Variants in TMEM178B observed in about 807,000 individuals in gnomAD.
TMEM178B encodes the protein transmembrane protein 178B.
TMEM178B carries 5 observed loss-of-function variants against 31.0 expected under a neutral mutation model. The ratio of observed to expected loss-of-function variants is 0.16; its 90% CI spans 0.08 to 0.34. TMEM178B has a LOEUF of 0.34. Among genes scored for constraint, TMEM178B ranks in the 10% least tolerant of loss-of-function variants. The pLI is 1.00. For synonymous variants in TMEM178B, 164 were observed against 164.0 expected (o/e 1.00, Z 0.00); for missense variants, 275 against 400.3 (o/e 0.69, Z 2.67).
intron 2 of TMEM178B, among the ~76,000 whole-genome samples, chr7:141,312,141 A>T (rs1798921615): frequency 6.6e-6 from 1 of 152,196 alleles, no homozygotes. Context: ...TCCACTCCTT[A>T]ATTTGAATCT....
intron 2 of TMEM178B, among the ~76,000 whole-genome samples, chr7:141,271,281 A>G (rs774032765): frequency 3.9e-5 from 6 of 152,174 alleles, no homozygotes; most frequent in South Asian, 2.1e-4. Context: ...ACTCTCAGTC[A>G]TCTCTGCCTT....
intron 2 of TMEM178B, among the ~76,000 whole-genome samples, chr7:141,356,537 A>G (rs1176370033): frequency 1.4e-5 from 2 of 147,134 alleles, no homozygotes; most frequent in African/African-American, 2.5e-5. Context: ...AAATCTGTTC[A>G]TGTCTTTTGC....
intron 1 of TMEM178B, among the ~76,000 whole-genome samples, chr7:141,088,544 C>T (rs1294189899): frequency 6.6e-6 from 1 of 152,196 alleles, no homozygotes; most frequent in African/African-American, 2.4e-5. Context: ...CTTTTATGCT[C>T]ATGACTAGTT....
At chr7:141,337,888 A>T (rs1439045431) in intron 2 of TMEM178B, among the ~76,000 whole-genome samples, 1 of 151,992 alleles carries the variant, frequency 6.6e-6, no homozygotes, top group Non-Finnish European at 1.5e-5. Context: ...CCCAAGCTGG[A>T]GTGCAGTGAC....
chr7:141,206,861 A>G (rs1420048926), intron 1 of TMEM178B, among the ~76,000 whole-genome samples: 3 of 152,226 alleles, frequency 2.0e-5, no homozygotes, highest in Non-Finnish European at 4.4e-5. Context: ...TATTAACTAT[A>G]GGCATAAGGT....
rs747715237 is a variant in TMEM178B, at chr7:141,159,568, A to G, written c.383-53023A>G. On this transcript the variant is annotated intron_variant, in intron 1 of 3. Transcript: ENST00000565468. Reference sequence around the variant, plus strand: ...CAACCCACGTGTTCACCGACAGACAAATGGATAAACAAAATGTGGCATATT... The same window carrying G: ...CAACCCACGTGTTCACCGACAGACAGATGGATAAACAAAATGTGGCATATT... 5.2e-4 allele frequency among the ~76,000 whole-genome samples: 79 copies of G among 152,214 alleles called. 1 individual carries two copies. The highest frequency in any genetic ancestry group is 4.9e-3 in the Admixed American group (75 of 15,280).
chr7:141,377,166 T>TTTAC (rs1800230522), intron 2 of TMEM178B, among the ~76,000 whole-genome samples: 1 of 139,170 alleles, frequency 7.2e-6, no homozygotes, highest in Non-Finnish European at 1.5e-5. Context: ...TCTGTATTTA[T>TTTAC]TTATTTATTT....
chr7:141,262,731 T>C (rs1165919478), intron 2 of TMEM178B, among the ~76,000 whole-genome samples: 2 of 152,076 alleles, frequency 1.3e-5, no homozygotes, highest in African/African-American at 4.8e-5. Flanking sequence ...CAATGCAATT[T>C]AAAGGAAAGC....
intron 2 of TMEM178B, among the ~76,000 whole-genome samples, chr7:141,309,008 A>G (rs910188332): frequency 6.6e-6 from 1 of 152,220 alleles, no homozygotes; most frequent in Non-Finnish European, 1.5e-5. Context: ...TTTAGAGGAA[A>G]GGAGCCCAGA....
chr7:141,419,064 T>A (rs1311416883), intron 2 of TMEM178B, among the ~76,000 whole-genome samples: 1 of 152,132 alleles, frequency 6.6e-6, no homozygotes. Flanking sequence ...TGAGCCACCA[T>A]GCCCAACTAA....
intron 2 of TMEM178B, among the ~76,000 whole-genome samples, chr7:141,355,501 T>A (rs1799803775): frequency 6.6e-6 from 1 of 152,164 alleles, no homozygotes. Context: ...ATGCCAATTC[T>A]TCAGTGAGGT....
chr7:141,159,655 G>A (rs142445027), intron 1 of TMEM178B, among the ~76,000 whole-genome samples: 30 of 152,226 alleles, frequency 2.0e-4, no homozygotes, highest in African/African-American at 2.6e-4. Context: ...GCTACAACAC[G>A]GATGAACCTG....
At chr7:141,195,807 G>A (rs1484170516) in intron 1 of TMEM178B, among the ~76,000 whole-genome samples, 1 of 152,198 alleles carries the variant, frequency 6.6e-6, no homozygotes, top group Non-Finnish European at 1.5e-5. Flanking sequence ...GGCTGGGGAG[G>A]CCTCAGAATC....
intron 1 of TMEM178B, among the ~76,000 whole-genome samples, chr7:141,089,958 T>C (rs972560243): frequency 2.0e-5 from 3 of 151,984 alleles, no homozygotes; most frequent in Non-Finnish European, 4.4e-5. Flanking sequence ...TGTATACATA[T>C]GTAACATACC....
intron 2 of TMEM178B, among the ~76,000 whole-genome samples, chr7:141,278,481 G>C (rs1798302662): frequency 6.6e-6 from 1 of 152,202 alleles, no homozygotes; most frequent in East Asian, 1.9e-4. Flanking sequence ...TACTTGGGAG[G>C]CTGAGGCAGG....
At chr7:141,169,172 T>A (rs1175156483) in intron 1 of TMEM178B, among the ~76,000 whole-genome samples, 1 of 152,208 alleles carries the variant, frequency 6.6e-6, no homozygotes, top group Non-Finnish European at 1.5e-5. Context: ...CCATTAGTTA[T>A]TTTTCCTGAT....
chr7:141,144,283 CT>C (rs2129179616), intron 1 of TMEM178B, among the ~76,000 whole-genome samples: 2 of 152,254 alleles, frequency 1.3e-5, no homozygotes, highest in South Asian at 4.1e-4. Context: ...GAAAAGGTAT[CT>C]GTGAATTCTA....
chr7:141,277,756 G>A (rs905712014), intron 2 of TMEM178B, among the ~76,000 whole-genome samples: 1 of 152,140 alleles, frequency 6.6e-6, no homozygotes, highest in African/African-American at 2.4e-5. Context: ...GTCTTCAGGT[G>A]CTTGCCCCTG....
At chr7:141,243,125 C>T (rs953702268) in intron 2 of TMEM178B, among the ~76,000 whole-genome samples, 33 of 151,986 alleles carry the variant, frequency 2.2e-4, no homozygotes, top group Admixed American at 1.8e-3. Flanking sequence ...TTAAACAAAC[C>T]CCAAACAACC....
Sources: allele counts gnomAD v4.1 joint callset (sites outside exome capture counted in the v4.1 genomes callset), GRCh38; gene constraint gnomAD v4.1.1; transcripts MANE v1.5; gene names NCBI Gene and HGNC (gene_info 2026-07-23, HGNC 2026-07-21).